Variants in FHIP2A observed in about 807,000 individuals in gnomAD.
The protein encoded by FHIP2A is family with sequence similarity 160 member B1.
A neutral mutation model predicts 93.5 loss-of-function variants in FHIP2A; 46 were observed. That is an observed-to-expected ratio of 0.49 (90% CI 0.39 to 0.63). The LOEUF is 0.63. FHIP2A is among the 20% of genes least tolerant of loss of function. FHIP2A has a pLI of 0.00. For synonymous variants in FHIP2A, 332 were observed against 326.5 expected (o/e 1.02, Z -0.18); for missense variants, 769 against 909.7 (o/e 0.85, Z 1.99).
At chr10:114,857,958 C>T (rs10885617) in intron 14 of FHIP2A, among the ~76,000 whole-genome samples, 19,694 of 152,154 alleles carry the variant, frequency 0.13, 1,432 homozygotes, top group East Asian at 0.22. Context: ...CTGCCCTGAG[C>T]ATGATGAGTT....
intron 16 of FHIP2A, among the ~76,000 whole-genome samples, chr10:114,880,552 C>T (rs113106944): frequency 0.032 from 4,893 of 152,100 alleles, 110 homozygotes; most frequent in Middle Eastern, 0.041. Context: ...TGATGGTGCA[C>T]GCCTGTAATC....
chr10:114,860,724 CTT>C, intron 14 of FHIP2A, 23 bp from the exon 15 acceptor site: 1 of 1,544,516 alleles, frequency 6.5e-7, no homozygotes, highest in Non-Finnish European at 9.0e-7. Flanking sequence ...TTTTAAATGT[CTT>C]TCTGTTTTTT....
chr10:114,851,714 C>CAAAAAA (rs60649106), intron 13 of FHIP2A, among the ~76,000 whole-genome samples: 28,932 of 81,220 alleles, frequency 0.36, 5,475 homozygotes, highest in Non-Finnish European at 0.44. Flanking sequence ...TCCATTTCTG[C>CAAAAAA]AAAAAAAAAA....
chr10:114,861,256 T>C lies in FHIP2A; in HGVS notation c.2114T>C (p.Ile705Thr), dbSNP rs750029194. 13 of 1,614,196 alleles carry C rather than the reference T, an allele frequency of 8.1e-6. No individual in the cohort carries two copies. The highest frequency in any genetic ancestry group is 1.0e-5 in the Non-Finnish European group (12 of 1,180,022). The stretch of plus-strand genomic sequence containing the variant: ...GTTGTTGGAGACCTTATGCTTCGAA[T>C]CCAGCGTATTCAAGACTTTACTCCC... The part of the protein sequence containing the change: ...VRVVGDLMLR[I>T]QRIQDFTPKL... The change falls in exon 16 of 17, where the codon ATC becomes ACC. Residue 705 changes from isoleucine (I) to threonine (T), a missense_variant. Transcript: ENST00000369248.
rs2083699197 is a variant in FHIP2A, at chr10:114,846,100, T to C, written c.1205+11T>C. The C allele has an allele frequency of 8.1e-6, 13 of 1,613,252 alleles. No individual in the cohort carries two copies. The highest frequency in any genetic ancestry group is 1.1e-5 in the Non-Finnish European group (13 of 1,179,478). The stretch of plus-strand genomic sequence containing the variant: ...TCAATTAATGCAAACGTGAGTAGCC[T>C]GTTTTCTTTTGAAAAAAACCGCATC... On this transcript the variant is annotated intron_variant, in intron 9 of 16. Coordinates refer to ENST00000369248, the MANE Select transcript of FHIP2A (RefSeq NM_020940.4).
intron 2 of FHIP2A, among the ~76,000 whole-genome samples, chr10:114,832,856 C>T (rs549727184): frequency 7.9e-4 from 120 of 151,972 alleles, no homozygotes; most frequent in Non-Finnish European, 9.1e-4. Context: ...GAATCACAGG[C>T]GCCTGCCACC....
At chr10:114,875,911 AG>A (rs59584351) in intron 16 of FHIP2A, among the ~76,000 whole-genome samples, 2 of 21,458 alleles carry the variant, frequency 9.3e-5, no homozygotes, top group Non-Finnish European at 4.2e-4. Context: ...ATAAAGAAAG[AG>A]AAAGAAAGAA....
intron 5 of FHIP2A, among the ~76,000 whole-genome samples, chr10:114,842,421 A>G (rs1016902619): frequency 6.6e-5 from 10 of 151,856 alleles, no homozygotes; most frequent in African/African-American, 2.4e-4. Context: ...ATGCTTATAT[A>G]TTTGAGAGAA....
chr10:114,827,348 G>C (rs1441705587), intron 1 of FHIP2A, among the ~76,000 whole-genome samples: 1 of 152,208 alleles, frequency 6.6e-6, no homozygotes, highest in African/African-American at 2.4e-5. Flanking sequence ...ACTTAACTCT[G>C]TGTCATGCCT....
chr10:114,885,583 T>A (rs2083938992), intron 16 of FHIP2A, among the ~76,000 whole-genome samples: 2 of 152,226 alleles, frequency 1.3e-5, no homozygotes, highest in Admixed American at 1.3e-4. Flanking sequence ...GCCAACTTCG[T>A]TGAATTAAGG....
chr10:114,890,542 A>T (rs906774433), intron 16 of FHIP2A, among the ~76,000 whole-genome samples: 18 of 148,188 alleles, frequency 1.2e-4, no homozygotes, highest in Admixed American at 2.7e-4. Flanking sequence ...CATATATAGT[A>T]TATTAAATAT....
intron 1 of FHIP2A, among the ~76,000 whole-genome samples, chr10:114,826,488 C>T (rs60460075): frequency 0.039 from 5,981 of 152,260 alleles, 338 homozygotes; most frequent in African/African-American, 0.13. Context: ...AGTGCAGTGC[C>T]TGGCACATAA....
At chr10:114,884,812 G>A (rs2083933946) in intron 16 of FHIP2A, among the ~76,000 whole-genome samples, 1 of 151,802 alleles carries the variant, frequency 6.6e-6, no homozygotes, top group Non-Finnish European at 1.5e-5. Context: ...TACTTGGGAG[G>A]CTGAGGCAGG....
intron 15 of FHIP2A, 97 bp downstream of exon 15, chr10:114,860,986 AT>A: frequency 8.3e-7 from 1 of 1,209,500 alleles, no homozygotes; most frequent in Non-Finnish European, 1.2e-6. Context: ...ATAATGAAAA[AT>A]ATATCTACTG....
chr10:114,857,602 G>A (rs1188239230), intron 14 of FHIP2A, among the ~76,000 whole-genome samples: 4 of 151,944 alleles, frequency 2.6e-5, no homozygotes, highest in South Asian at 2.1e-4. Flanking sequence ...GAACCACCAC[G>A]CCTGGCCTTC....
downstream of FHIP2A, among the ~76,000 whole-genome samples, chr10:114,865,074 G>A (rs894658112): frequency 6.6e-5 from 10 of 151,640 alleles, no homozygotes; most frequent in African/African-American, 1.9e-4. Context: ...TGCAACCTCC[G>A]CCCCCTGGGT....
rs2083635976 is a variant in FHIP2A at position 114,836,183 on chromosome 10, G to A, written c.459G>A (p.Gln153=). 3 of 1,603,254 alleles carry A rather than the reference G, an allele frequency of 1.9e-6. No individual in the cohort carries two copies. Among genetic ancestry groups the A allele is most frequent in the South Asian group, 1.1e-5 (1 of 89,830 alleles). The change falls in exon 5 of 17, where the codon CAG becomes CAA. Residue 153 remains glutamine, a synonymous_variant. Transcript: ENST00000369248. The part of the protein sequence containing the change: ...LATPTENEEI[Q]FLCIVCAKLK... ...CACCAACAGAAAATGAAGAGATTCA[G>A]TTTCTTTGCATTGTGTGTGCGAAGC...
intron 14 of FHIP2A, among the ~76,000 whole-genome samples, chr10:114,859,344 G>C (rs544320326): frequency 3.9e-5 from 6 of 152,206 alleles, no homozygotes; most frequent in African/African-American, 1.4e-4. Flanking sequence ...ACTGGCGTGT[G>C]CCCGAGCATT....
chr10:114,866,892 T>C (rs909784266), downstream of FHIP2A, among the ~76,000 whole-genome samples: 3 of 152,206 alleles, frequency 2.0e-5, no homozygotes, highest in South Asian at 2.1e-4. Context: ...TTTTGAGATA[T>C]GCCAGATAGT....
Sources: gnomAD v4.1 joint callset for allele counts (sites outside exome capture counted in the v4.1 genomes callset) on GRCh38, gnomAD v4.1.1 for gene constraint, MANE v1.5 for transcripts, NCBI Gene and HGNC (gene_info 2026-07-23, HGNC 2026-07-21) for gene names.